AGBL4: variants seen among roughly 807,000 people sequenced by gnomAD.
The protein encoded by AGBL4 is cytosolic carboxypeptidase 6.
AGBL4 carries 58 observed loss-of-function variants against 66.4 expected under a neutral mutation model. That is an observed-to-expected ratio of 0.87 (90% CI 0.71 to 1.09). The LOEUF is 1.09. Among genes scored for constraint, AGBL4 ranks in the 50% least tolerant of loss-of-function variants. AGBL4 has a pLI of 0.00. For synonymous variants in AGBL4, 234 were observed against 222.9 expected, an observed-to-expected ratio of 1.05 and a Z score of -0.44; for missense variants, 579 against 631.0, an observed-to-expected ratio of 0.92 and a Z score of 0.88.
chr1:48,581,774 A>T (rs1279589316), intron 11 of AGBL4, among the ~76,000 whole-genome samples: 2 of 152,220 alleles, frequency 1.3e-5, no homozygotes, highest in Non-Finnish European at 2.9e-5. Flanking sequence ...CCCTAACAAC[A>T]ATCCTGTGAT....
intron 6 of AGBL4, chr1:48,742,712 G>T (rs964008968): frequency 6.2e-7 from 1 of 1,610,806 alleles, no homozygotes; most frequent in Admixed American, 1.7e-5. Context: ...AAAGTGCTCC[G>T]TAACTCCGGC....
intron 1 of AGBL4, among the ~76,000 whole-genome samples, chr1:49,959,299 G>C (rs1656924687): frequency 6.6e-6 from 1 of 151,998 alleles, no homozygotes; most frequent in Non-Finnish European, 1.5e-5. Flanking sequence ...GAAAAGTTTT[G>C]ATCAGCACCT....
intron 5 of AGBL4, among the ~76,000 whole-genome samples, chr1:48,870,230 G>A (rs1648514422): frequency 6.6e-6 from 1 of 151,808 alleles, no homozygotes; most frequent in African/African-American, 2.4e-5. Context: ...GGATCCTCAA[G>A]TAGGATCCTA....
At chr1:49,460,780 G>A (rs1046503643) in intron 3 of AGBL4, among the ~76,000 whole-genome samples, 2 of 151,646 alleles carry the variant, frequency 1.3e-5, no homozygotes. Flanking sequence ...AGCATTTCTT[G>A]TAGTGCTGTC....
intron 6 of AGBL4, among the ~76,000 whole-genome samples, chr1:48,717,763 T>C (rs1647076911): frequency 6.6e-6 from 1 of 152,210 alleles, no homozygotes; most frequent in Non-Finnish European, 1.5e-5. Flanking sequence ...GAGGCTTTGA[T>C]GAAAAGAACA....
intron 4 of AGBL4, among the ~76,000 whole-genome samples, chr1:49,047,284 A>G (rs1242326012): frequency 6.6e-6 from 1 of 152,162 alleles, no homozygotes; most frequent in African/African-American, 2.4e-5. Context: ...TAAGGTGGGT[A>G]AGAATCTGAA....
intron 11 of AGBL4, among the ~76,000 whole-genome samples, chr1:48,550,351 T>G (rs923917896): frequency 6.6e-6 from 1 of 151,872 alleles, no homozygotes; most frequent in Non-Finnish European, 1.5e-5. Flanking sequence ...AATAGTTGGT[T>G]TCTGGTGGCT....
intron 6 of AGBL4, among the ~76,000 whole-genome samples, chr1:48,760,315 T>G (rs965727373): frequency 1.3e-5 from 2 of 152,194 alleles, no homozygotes; most frequent in African/African-American, 4.8e-5. Flanking sequence ...CTCTCCTGAC[T>G]GGGGCATGTG....
chr1:49,987,701 A>AT (rs907675957), intron 1 of AGBL4, among the ~76,000 whole-genome samples: 34 of 152,116 alleles, frequency 2.2e-4, no homozygotes, highest in Admixed American at 3.9e-4. Flanking sequence ...CACTTTTAAA[A>AT]TTTTTATAAA....
chr1:48,788,673 G>C (rs755403833), intron 6 of AGBL4, among the ~76,000 whole-genome samples: 14 of 152,126 alleles, frequency 9.2e-5, no homozygotes, highest in Non-Finnish European at 1.5e-4. Flanking sequence ...GAATTTTTCT[G>C]TGATGCCCTG....
chr1:49,251,209 T>A (rs566745269), intron 3 of AGBL4, among the ~76,000 whole-genome samples: 47 of 152,158 alleles, frequency 3.1e-4, no homozygotes, highest in African/African-American at 1.1e-3. Flanking sequence ...AGTGAGGCAG[T>A]TTCAATGGCC....
intron 3 of AGBL4, among the ~76,000 whole-genome samples, chr1:49,548,491 G>A (rs902726836): frequency 3.3e-5 from 5 of 152,178 alleles, no homozygotes; most frequent in Non-Finnish European, 5.9e-5. Context: ...ATAAAGTGAT[G>A]CTGGATTTTG....
chr1:48,787,026 A>T (rs1404238506), intron 6 of AGBL4, among the ~76,000 whole-genome samples: 2 of 152,190 alleles, frequency 1.3e-5, no homozygotes, highest in Non-Finnish European at 2.9e-5. Context: ...TCCTGGACGT[A>T]GGTACTATTA....
At chr1:48,818,515 A>G (rs946969379) in intron 6 of AGBL4, among the ~76,000 whole-genome samples, 1 of 152,202 alleles carries the variant, frequency 6.6e-6, no homozygotes, top group Non-Finnish European at 1.5e-5. Context: ...ACAAATCCTA[A>G]ACACAGAGAA....
At chr1:48,708,627 C>T (rs1308855390) in intron 6 of AGBL4, among the ~76,000 whole-genome samples, 1 of 152,232 alleles carries the variant, frequency 6.6e-6, no homozygotes, top group Non-Finnish European at 1.5e-5. Context: ...GTCATGCTTA[C>T]AGCCTTGTTT....
intron 6 of AGBL4, among the ~76,000 whole-genome samples, chr1:48,756,359 G>T (rs1428289154): frequency 1.3e-5 from 2 of 152,178 alleles, no homozygotes; most frequent in Non-Finnish European, 2.9e-5. Context: ...TTGTCCCTAT[G>T]ATGGCATTTA....
chr1:49,101,186 T>A (rs1039552032), intron 4 of AGBL4, among the ~76,000 whole-genome samples: 1 of 151,922 alleles, frequency 6.6e-6, no homozygotes, highest in Non-Finnish European at 1.5e-5. Flanking sequence ...GAACTTTTTA[T>A]TCTTTTTTTT....
chr1:49,735,008 A>G (rs1253394975), intron 2 of AGBL4, among the ~76,000 whole-genome samples: 1 of 152,110 alleles, frequency 6.6e-6, no homozygotes, highest in African/African-American at 2.4e-5. Context: ...GAAATCAGTT[A>G]AAAGAGGAAA....
intron 6 of AGBL4, among the ~76,000 whole-genome samples, chr1:48,754,065 T>C (rs1652149377): frequency 6.6e-6 from 1 of 152,082 alleles, no homozygotes; most frequent in Non-Finnish European, 1.5e-5. Context: ...CCCTTGAGAG[T>C]CTTATTTGAA....
Sources: gnomAD v4.1 joint callset for allele counts (sites outside exome capture counted in the v4.1 genomes callset) on GRCh38, gnomAD v4.1.1 for gene constraint, MANE v1.5 for transcripts, NCBI Gene and HGNC (gene_info 2026-07-23, HGNC 2026-07-21) for gene names.